SYT9: variants seen among roughly 807,000 people sequenced by gnomAD.
SYT9 encodes synaptotagmin-9.
SYT9 carries 22 observed loss-of-function variants against 48.4 expected under a neutral mutation model. The ratio of observed to expected loss-of-function variants is 0.45; its 90% CI spans 0.32 to 0.65. SYT9 has a LOEUF of 0.65. SYT9 is among the 30% of genes least tolerant of loss of function. The pLI is 0.03. For missense variants in SYT9, 577 were observed against 622.0 expected (o/e 0.93, Z 0.77); for synonymous variants, 265 against 245.0 (o/e 1.08, Z -0.76).
rs533179870 is a variant in SYT9, at chr11:7,324,151, G to A, written c.1044+10210G>A. Among the ~76,000 whole-genome samples the A allele has an allele frequency of 2.6e-5, 4 of 151,722 alleles. No homozygotes were observed. In the South Asian group the frequency reaches 6.2e-4, roughly 24 times the overall value. On this transcript the variant is annotated intron_variant, in intron 3 of 6. Transcript: ENST00000318881. ...TTTATTTCATTGAGAATTGATTTTG[G>A]TGATTTAGATTTTTCTAGAAATTTG...
rs143625572 is a variant in SYT9, at chr11:7,244,944, G to C, written c.49+6028G>C. Among the ~76,000 whole-genome samples, 571 of 152,322 alleles carry C rather than the reference G, an allele frequency of 3.7e-3. 4 individuals are homozygous for C. The highest frequency in any genetic ancestry group is 0.013 in the African/African-American group (543 of 41,564). On this transcript the variant is annotated intron_variant and NMD_transcript_variant, in intron 1 of 8. Transcript: ENST00000524820. Reference sequence around the variant, plus strand: ...AGTTGATGCTAAAGGGTGAAGGAGTGCTGGGCTCAGCTCAGGAACTCTATT... The same window carrying C: ...AGTTGATGCTAAAGGGTGAAGGAGTCCTGGGCTCAGCTCAGGAACTCTATT...
At chr11:7,282,893 A>G (rs908247854) in intron 1 of SYT9, among the ~76,000 whole-genome samples, 18 of 151,548 alleles carry the variant, frequency 1.2e-4, no homozygotes, top group Non-Finnish European at 1.0e-4. Flanking sequence ...TCCAAGTAAT[A>G]TATGCACCGT....
At chr11:7,362,183 C>G (rs1486394078) in intron 3 of SYT9, among the ~76,000 whole-genome samples, 1 of 147,338 alleles carries the variant, frequency 6.8e-6, no homozygotes, top group Non-Finnish European at 1.5e-5. Flanking sequence ...CTCCCTCTGT[C>G]ACCCAGGCTG....
Position 7,283,953 on chromosome 11 carries a change from T to C in SYT9, c.146-19086T>C, listed in dbSNP as rs747653214. On this transcript the variant is annotated intron_variant, in intron 1 of 6. Coordinates refer to ENST00000318881, the MANE Select transcript of SYT9 (RefSeq NM_175733.4). ...GCAACACAGTTTTATGCTAATCTCTTGCCACTTGAAGATTTCTGTTCCTTG... is the reference window on the plus strand; with the variant it reads ...GCAACACAGTTTTATGCTAATCTCTCGCCACTTGAAGATTTCTGTTCCTTG... Among the ~76,000 whole-genome samples, 28 of 152,316 alleles carry C rather than the reference T, an allele frequency of 1.8e-4. 1 individual carries two copies. Among genetic ancestry groups the C allele is most frequent in the Non-Finnish European group, 3.1e-4 (21 of 67,998 alleles).
At chr11:7,321,527 G>A (rs1342232970) in intron 3 of SYT9, among the ~76,000 whole-genome samples, 2 of 152,132 alleles carry the variant, frequency 1.3e-5, no homozygotes, top group Admixed American at 1.3e-4. Context: ...TTATATTGAT[G>A]CAACACAAGT....
At chr11:7,356,187 C>T (rs1236160319) in intron 3 of SYT9, among the ~76,000 whole-genome samples, 7 of 152,148 alleles carry the variant, frequency 4.6e-5, no homozygotes, top group African/African-American at 1.4e-4. Flanking sequence ...GTGATGATCC[C>T]ATCAAAGGAT....
chr11:7,357,361 A>G (rs1850040490), intron 3 of SYT9, among the ~76,000 whole-genome samples: 2 of 152,198 alleles, frequency 1.3e-5, no homozygotes, highest in Non-Finnish European at 2.9e-5. Context: ...GAGAGCCAAT[A>G]TCTGGTGTTT....
chr11:7,250,351 T>A (rs1023835702), upstream of SYT9, among the ~76,000 whole-genome samples: 2 of 152,178 alleles, frequency 1.3e-5, no homozygotes, highest in African/African-American at 4.8e-5. Flanking sequence ...TAACTGAACT[T>A]GTTGCTTTCA....
At chr11:7,275,505 T>G (rs1325361851) in intron 1 of SYT9, among the ~76,000 whole-genome samples, 1 of 152,190 alleles carries the variant, frequency 6.6e-6, no homozygotes, top group African/African-American at 2.4e-5. Flanking sequence ...GGGTTTCTTT[T>G]CTTCTACTTG....
At chr11:7,418,171 C>T (rs1228440901) in intron 5 of SYT9, 43 bp downstream of exon 5, 4 of 1,596,874 alleles carry the variant, frequency 2.5e-6, no homozygotes, top group Admixed American at 3.4e-5. Context: ...TTCACTGTGC[C>T]CAGGACTGGG....
intron 3 of SYT9, among the ~76,000 whole-genome samples, chr11:7,337,079 C>A (rs1273218472): frequency 1.3e-5 from 2 of 151,912 alleles, no homozygotes; most frequent in Non-Finnish European, 2.9e-5. Flanking sequence ...TTAGCTGTAT[C>A]CCTAGGTATT....
intron 3 of SYT9, among the ~76,000 whole-genome samples, chr11:7,360,959 T>G (rs1850124095): frequency 6.6e-6 from 1 of 152,144 alleles, no homozygotes; most frequent in African/African-American, 2.4e-5. Flanking sequence ...ATTTTCCATT[T>G]CATTAAGTTT....
At chr11:7,331,022 C>T (rs1295505234) in intron 3 of SYT9, among the ~76,000 whole-genome samples, 3 of 151,866 alleles carry the variant, frequency 2.0e-5, no homozygotes, top group Non-Finnish European at 4.4e-5. Flanking sequence ...TGGTCTCGAA[C>T]TCCTGACTCA....
At chr11:7,427,720 T>C (rs1440555285) in intron 6 of SYT9, 1 of 152,180 alleles carries the variant, frequency 6.6e-6, no homozygotes, top group Non-Finnish European at 1.5e-5. Flanking sequence ...AAGAAATTAT[T>C]CTTCAGATTT....
chr11:7,295,047 A>T (rs1589921536), intron 1 of SYT9, among the ~76,000 whole-genome samples: 1 of 152,172 alleles, frequency 6.6e-6, no homozygotes, highest in Non-Finnish European at 1.5e-5. Flanking sequence ...TACCTATACT[A>T]ATCTCTTAAA....
At chr11:7,265,201 A>G (rs1471876585) in intron 1 of SYT9, among the ~76,000 whole-genome samples, 1 of 152,150 alleles carries the variant, frequency 6.6e-6, no homozygotes, top group Non-Finnish European at 1.5e-5. Flanking sequence ...CAGGAAGTCA[A>G]GCACATTTTG....
At chr11:7,241,060 GA>G (rs556368093) in intron 1 of SYT9, among the ~76,000 whole-genome samples, 1 of 151,948 alleles carries the variant, frequency 6.6e-6, no homozygotes, top group East Asian at 1.9e-4. Context: ...CATTTTAAAA[GA>G]AAAAAACTAT....
At chr11:7,444,656 G>A (rs967051373) in intron 6 of SYT9, 7 of 152,050 alleles carry the variant, frequency 4.6e-5, no homozygotes, top group Non-Finnish European at 1.0e-4. Context: ...ATAGCCAATG[G>A]AGGCTTTCTC....
intron 3 of SYT9, among the ~76,000 whole-genome samples, chr11:7,399,663 C>T (rs1846841465): frequency 6.6e-6 from 1 of 152,120 alleles, no homozygotes; most frequent in African/African-American, 2.4e-5. Flanking sequence ...TGTTATTGCC[C>T]CAGCAAGACA....
Sources: gnomAD v4.1 joint callset for allele counts (sites outside exome capture counted in the v4.1 genomes callset) on GRCh38, gnomAD v4.1.1 for gene constraint, MANE v1.5 for transcripts, NCBI Gene and HGNC (gene_info 2026-07-23, HGNC 2026-07-21) for gene names.